Variants in ADGRA3 observed in about 807,000 individuals in gnomAD.
The protein encoded by ADGRA3 is G-protein coupled receptor 125.
In ADGRA3, 56 loss-of-function variants were observed where a neutral mutation model predicts 119.8. The ratio of observed to expected loss-of-function variants is 0.47; its 90% CI spans 0.38 to 0.58. The LOEUF is 0.58. Among genes scored for constraint, ADGRA3 ranks in the 20% least tolerant of loss-of-function variants. The pLI is 0.00. For synonymous variants in ADGRA3, 607 were observed against 623.8 expected (o/e 0.97, Z 0.40); for missense variants, 1,516 against 1,649.0 (o/e 0.92, Z 1.40).
intron 1 of ADGRA3, among the ~76,000 whole-genome samples, chr4:22,508,850 G>C (rs1719335940): frequency 6.6e-6 from 1 of 152,106 alleles, no homozygotes; most frequent in African/African-American, 2.4e-5. Flanking sequence ...CATTCCAAAA[G>C]AACATTTCTC....
chr4:22,456,395 G>A (rs1717239690), intron 3 of ADGRA3, among the ~76,000 whole-genome samples: 1 of 152,128 alleles, frequency 6.6e-6, no homozygotes, highest in African/African-American at 2.4e-5. Context: ...GTCAGCTGGG[G>A]CCCTGCTGGG....
intron 5 of ADGRA3, among the ~76,000 whole-genome samples, chr4:22,446,695 G>A (rs753802305): frequency 2.0e-4 from 31 of 151,990 alleles, no homozygotes; most frequent in Non-Finnish European, 4.1e-4. Flanking sequence ...CAGAGTACAG[G>A]GAAGAGAGGA....
chr4:22,398,139 C>G, intron 16 of ADGRA3: 1 of 983,258 alleles, frequency 1.0e-6, no homozygotes, highest in Non-Finnish European at 1.2e-6. Flanking sequence ...TAGTAACAGC[C>G]TAAAACAAAA....
intron 5 of ADGRA3, 104 bp from the exon 6 acceptor site, chr4:22,445,237 C>T: frequency 1.1e-6 from 1 of 939,548 alleles, no homozygotes; most frequent in Admixed American, 2.0e-5. Flanking sequence ...ATACTGTTCA[C>T]CCATACCATG....
At position 22,387,622 on chromosome 4, in the gene ADGRA3, T is replaced by A. The variant is rs1025823712; in HGVS notation, c.*83A>T. 1 of 1,355,548 alleles carries A rather than the reference T, an allele frequency of 7.4e-7. No individual in the cohort carries two copies. The highest frequency in any genetic ancestry group is 1.0e-6 in the Non-Finnish European group (1 of 1,000,208). 84.0% of individuals were successfully genotyped at this position (1,355,548 alleles called of 1,614,324 possible). On this transcript the variant is annotated 3_prime_UTR_variant, in exon 19 of 19. Transcript: ENST00000334304. ...TTCTTTTGAATCCCTATGGTGGCTGTAAACAGTTTTTAAATGCTCATAGCT... is the reference window on the plus strand; with the variant it reads ...TTCTTTTGAATCCCTATGGTGGCTGAAAACAGTTTTTAAATGCTCATAGCT...
rs534558679 is a variant in ADGRA3 at position 22,516,028 on chromosome 4, GCCT to G, written c.-247_-245del. On this transcript the variant is annotated 5_prime_UTR_variant, in exon 1 of 19. Transcript: ENST00000334304. ...CGCTCTACCGCCCGGCGCGAGCACC[GCCT>G]CCTCCTCCTCCTCTGCCGCCGCCGC... is the stretch of plus-strand genomic sequence containing the variant. 359 of 157,510 alleles carry G rather than the reference GCCT, an allele frequency of 2.3e-3. No homozygotes were observed. Among genetic ancestry groups the G allele is most frequent in the African/African-American group, 5.5e-3 (227 of 41,252 alleles). 9.8% of individuals were successfully genotyped at this position (157,510 alleles called of 1,614,324 possible).
chr4:22,419,156 G>T (rs921477879), intron 12 of ADGRA3, among the ~76,000 whole-genome samples: 2 of 151,682 alleles, frequency 1.3e-5, no homozygotes, highest in African/African-American at 4.8e-5. Flanking sequence ...CTCTTTATGG[G>T]TTTAACTTCA....
In ADGRA3 at chr4:22,438,340, G is replaced by A. The variant is rs1380838808; in HGVS notation, c.1001C>T (p.Thr334Met). The change falls in exon 8 of 19, where the codon ACG becomes ATG. Residue 334 changes from threonine (T) to methionine (M), a missense_variant. By Grantham distance (81) the Thr-to-Met change is moderately conservative. Around this residue, in one of 2 missense-constraint regions of ADGRA3, gnomAD observed 428 missense variants for 541.9 expected, o/e 0.79. Transcript: ENST00000334304. ...TAATACCACAATATCCACAGTCCTC[G>A]TATTATTCCCACGTTTGGTCTGGAC... ...CHVQTKRGNNTRTVDIVVLES... is the reference protein window; with the variant it reads ...CHVQTKRGNNMRTVDIVVLES... 6.2e-6 allele frequency: 10 copies of A among 1,612,792 alleles called. No homozygotes were observed. The highest frequency in any genetic ancestry group is 2.2e-5 in the East Asian group (1 of 44,866).
At chr4:22,499,953 A>T (rs886742322) in intron 1 of ADGRA3, among the ~76,000 whole-genome samples, 10 of 152,170 alleles carry the variant, frequency 6.6e-5, no homozygotes, top group African/African-American at 2.4e-4. Context: ...AGAATTTGGA[A>T]TATTTGCATT....
rs112646760 is a variant in ADGRA3 at position 22,397,565 on chromosome 4, G to C, written c.2481+3866C>G. Among the ~76,000 whole-genome samples the C allele has an allele frequency of 7.4e-3, 1,122 of 152,192 alleles. 12 individuals are homozygous for C. The highest frequency in any genetic ancestry group is 0.025 in the African/African-American group (1,054 of 41,514). The stretch of plus-strand genomic sequence containing the variant: ...CAGTATGGAATTTTAGTAAGGACCT[G>C]ATATGATTTAGTTGTGTCCCCACCC... On this transcript the variant is annotated intron_variant, in intron 16 of 18. Coordinates refer to ENST00000334304, the MANE Select transcript of ADGRA3 (RefSeq NM_145290.4).
chr4:22,406,349 T>C (rs575484658), intron 14 of ADGRA3, among the ~76,000 whole-genome samples: 2 of 152,332 alleles, frequency 1.3e-5, no homozygotes, highest in South Asian at 2.1e-4. Flanking sequence ...AGCAGTGAAA[T>C]TGCTGGATCA....
intron 1 of ADGRA3, among the ~76,000 whole-genome samples, chr4:22,482,804 G>A (rs6836362): frequency 0.98 from 149,593 of 152,348 alleles, 73,491 homozygotes; most frequent in Middle Eastern, 1. Flanking sequence ...CATTCCAGCA[G>A]TGTCAAGTAT....
chr4:22,483,239 A>ACTCTGGCATGTGCTTCC (rs1174790137), intron 1 of ADGRA3, among the ~76,000 whole-genome samples: 10 of 151,744 alleles, frequency 6.6e-5, no homozygotes, highest in African/African-American at 9.7e-5. Flanking sequence ...TCCTAGCTCC[A>ACTCTGGCATGTGCTTCC]CTCTGGCATG....
intron 6 of ADGRA3, among the ~76,000 whole-genome samples, chr4:22,443,942 C>G (rs1716728954): frequency 6.6e-6 from 1 of 152,022 alleles, no homozygotes; most frequent in Non-Finnish European, 1.5e-5. Context: ...AGCTTATTTC[C>G]AAACAAAGAC....
intron 12 of ADGRA3, chr4:22,414,462 C>T: frequency 2.2e-6 from 1 of 450,552 alleles, no homozygotes; most frequent in Non-Finnish European, 3.9e-6. Context: ...ACAAATTATT[C>T]AGCATTCAGT....
intron 2 of ADGRA3, among the ~76,000 whole-genome samples, chr4:22,466,101 A>G (rs1717647819): frequency 6.6e-6 from 1 of 152,106 alleles, no homozygotes; most frequent in African/African-American, 2.4e-5. Context: ...AAACCTCAAA[A>G]AGATCCACAG....
intron 11 of ADGRA3, 138 bp from the exon 12 acceptor site, chr4:22,421,227 G>A: frequency 1.8e-6 from 1 of 542,026 alleles, no homozygotes; most frequent in Non-Finnish European, 3.2e-6. Context: ...AAATCACTGT[G>A]TAGATAACTG....
At position 22,388,047 on chromosome 4, in the gene ADGRA3, T is replaced by C. The variant is rs749267451; in HGVS notation, c.3624A>G (p.Lys1208=). The change falls in exon 19 of 19, where the codon AAA becomes AAG. Residue 1208 remains lysine (K), a synonymous_variant. Coordinates refer to ENST00000334304, the MANE Select transcript of ADGRA3 (RefSeq NM_145290.4). The part of the protein sequence containing the change: ...VEGSVQNGLP[K]SRLGNNEGHS... The stretch of plus-strand genomic sequence containing the variant: ...GTCCTTCGTTATTGCCCAGCCGGCT[T>C]TTAGGTAAGCCGTTCTGCACGCTTC... The C allele has an allele frequency of 1.2e-6, 2 of 1,614,110 alleles. No individual in the cohort carries two copies. The highest frequency in any genetic ancestry group is 2.2e-5 in the South Asian group (2 of 91,088).
chr4:22,393,034 T>C, intron 16 of ADGRA3: 1 of 165,700 alleles, frequency 6.0e-6, no homozygotes, highest in Non-Finnish European at 1.3e-5. Context: ...TTTTCTTTTT[T>C]TTTTTTTTTT....
Sources: gnomAD v4.1 joint callset for allele counts (sites outside exome capture counted in the v4.1 genomes callset) on GRCh38, gnomAD v4.1.1 for gene constraint, gnomAD v4.1.1 regional missense constraint, MANE v1.5 for transcripts, NCBI Gene and HGNC (gene_info 2026-07-23, HGNC 2026-07-21) for gene names.